RARB: variants seen among roughly 807,000 people sequenced by gnomAD.
RARB encodes HBV-activated protein.
A neutral mutation model predicts 51.9 loss-of-function variants in RARB; 17 were observed. The observed-to-expected ratio is 0.33, with a 90% CI of 0.22 to 0.49. The LOEUF (loss-of-function observed/expected upper bound fraction) is 0.49, where lower values mean the gene tolerates loss of function less well. RARB is among the 20% of genes least tolerant of loss of function. The probability of loss-of-function intolerance (pLI) is 0.99; values close to 1 mark genes in which losing one functional copy is unlikely to be tolerated. For synonymous variants in RARB, 215 were observed against 195.4 expected, an observed-to-expected ratio of 1.10 and a Z score of -0.84; for missense variants, 369 against 550.8, an observed-to-expected ratio of 0.67 and a Z score of 3.30.
At chr3:25,021,257 C>A (rs1697629765) in intron 2 of RARB, among the ~76,000 whole-genome samples, 1 of 152,178 alleles carries the variant, frequency 6.6e-6, no homozygotes, top group Non-Finnish European at 1.5e-5. Context: ...TGTATGTAAG[C>A]ATTGAATCTC....
chr3:25,209,228 G>A (rs926324976), intron 5 of RARB, among the ~76,000 whole-genome samples: 2 of 152,198 alleles, frequency 1.3e-5, no homozygotes, highest in Non-Finnish European at 2.9e-5. Flanking sequence ...AGTCAGGTTA[G>A]TCATGCAGAA....
chr3:25,049,042 G>A (rs1051722603), intron 2 of RARB, among the ~76,000 whole-genome samples: 8 of 152,148 alleles, frequency 5.3e-5, no homozygotes, highest in Non-Finnish European at 1.2e-4. Context: ...GTGAGCCACC[G>A]CGCCCAGCTC....
chr3:25,006,130 C>G (rs4858679), intron 2 of RARB, among the ~76,000 whole-genome samples: 120,367 of 152,062 alleles, frequency 0.79, 47,760 homozygotes, highest in East Asian at 0.87. Context: ...TCAGAAAGAC[C>G]TTTCCTGACC....
chr3:25,435,213 A>G (rs1169829472), intron 1 of RARB, among the ~76,000 whole-genome samples: 3 of 152,206 alleles, frequency 2.0e-5, no homozygotes, highest in Non-Finnish European at 4.4e-5. Flanking sequence ...GTTGTTGTTG[A>G]TAAATTACTA....
At chr3:25,439,243 A>G (rs770596996) in intron 1 of RARB, among the ~76,000 whole-genome samples, 18 of 152,242 alleles carry the variant, frequency 1.2e-4, no homozygotes, top group Non-Finnish European at 2.5e-4. Flanking sequence ...TTCTGATAGT[A>G]AAGTCGAATT....
At chr3:25,417,743 T>A (rs777425017) in intron 5 of RARB, among the ~76,000 whole-genome samples, 12 of 152,234 alleles carry the variant, frequency 7.9e-5, no homozygotes, top group Non-Finnish European at 1.3e-4. Context: ...AATACTATCT[T>A]TCTTCTTCTT....
upstream of RARB, among the ~76,000 whole-genome samples, chr3:25,428,073 C>T (rs148584827): frequency 3.0e-4 from 45 of 152,228 alleles, no homozygotes; most frequent in African/African-American, 1.0e-3. Flanking sequence ...AAGAAAACGC[C>T]GGCTTGTGCG....
chr3:24,980,642 G>T (rs1696640494), intron 2 of RARB, among the ~76,000 whole-genome samples: 1 of 152,086 alleles, frequency 6.6e-6, no homozygotes, highest in East Asian at 1.9e-4. Context: ...TCTCTACATG[G>T]TTATTCTAGT....
chr3:25,559,959 A>T (rs558169371), intron 3 of RARB, among the ~76,000 whole-genome samples: 1 of 151,896 alleles, frequency 6.6e-6, no homozygotes, highest in African/African-American at 2.4e-5. Flanking sequence ...GGATAGACAG[A>T]TGGATGGATG....
chr3:25,188,051 T>TTTATC (rs1701016822), intron 5 of RARB, among the ~76,000 whole-genome samples: 1 of 152,114 alleles, frequency 6.6e-6, no homozygotes, highest in Non-Finnish European at 1.5e-5. Context: ...GATAAACAAG[T>TTTATC]TACCGAATTA....
chr3:25,482,700 C>A (rs571035119), intron 2 of RARB, among the ~76,000 whole-genome samples: 1 of 151,366 alleles, frequency 6.6e-6, no homozygotes, highest in African/African-American at 2.4e-5. Context: ...CCACCATGCC[C>A]GGCTATTTTT....
intron 3 of RARB, among the ~76,000 whole-genome samples, chr3:25,110,187 T>G (rs1559469991): frequency 6.6e-6 from 1 of 152,228 alleles, no homozygotes; most frequent in Non-Finnish European, 1.5e-5. Flanking sequence ...ACTCATAAAT[T>G]GATAGTTGAC....
chr3:24,925,166 G>C (rs1167186146), intron 2 of RARB, among the ~76,000 whole-genome samples: 1 of 151,954 alleles, frequency 6.6e-6, no homozygotes, highest in Non-Finnish European at 1.5e-5. Context: ...ACCCTACTTG[G>C]CATTCTCAAG....
intron 5 of RARB, among the ~76,000 whole-genome samples, chr3:25,325,886 C>T (rs1288077270): frequency 1.3e-5 from 2 of 152,078 alleles, no homozygotes; most frequent in Non-Finnish European, 2.9e-5. Flanking sequence ...TGTTAAATGC[C>T]AGTTTTCTTA....
chr3:25,556,471 T>G (rs1452148900), intron 3 of RARB, among the ~76,000 whole-genome samples: 1 of 152,210 alleles, frequency 6.6e-6, no homozygotes, highest in East Asian at 1.9e-4. Flanking sequence ...TTTCTAGTTA[T>G]AGTCCTCATT....
intron 5 of RARB, among the ~76,000 whole-genome samples, chr3:25,354,173 C>T (rs1296087667): frequency 6.6e-6 from 1 of 152,032 alleles, no homozygotes; most frequent in Non-Finnish European, 1.5e-5. Context: ...TGTAACCCTC[C>T]AAACTGCCTG....
Position 24,921,953 on chromosome 3 carries a change from G to T in RARB, c.-380+63201G>T, listed in dbSNP as rs576763248. Among the ~76,000 whole-genome samples the T allele has an allele frequency of 2.6e-5, 4 of 152,308 alleles. No individual in the cohort carries two copies. In the East Asian group the frequency reaches 7.7e-4, roughly 29 times the overall value. On this transcript the variant is annotated intron_variant, in intron 2 of 11. Coordinates refer to the RARB transcript ENST00000383772. ...GATGCAGGCTTACCTGCCCAACATT[G>T]TTTCATCCCTCACAGATCTCAGCGG...
At chr3:25,430,964 T>TC (rs1253026401) in intron 1 of RARB, among the ~76,000 whole-genome samples, 2 of 151,818 alleles carry the variant, frequency 1.3e-5, no homozygotes, top group Non-Finnish European at 2.9e-5. Flanking sequence ...TTTTTTTTTT[T>TC]TTTTAGCATA....
chr3:25,247,055 A>C (rs759105368), intron 5 of RARB, among the ~76,000 whole-genome samples: 1 of 152,218 alleles, frequency 6.6e-6, no homozygotes, highest in Admixed American at 6.5e-5. Flanking sequence ...GTCTGGCTAC[A>C]GCAGCTTTGT....
Sources: gnomAD v4.1 joint callset for allele counts (sites outside exome capture counted in the v4.1 genomes callset) on GRCh38, gnomAD v4.1.1 for gene constraint, MANE v1.5 for transcripts, NCBI Gene and HGNC (gene_info 2026-07-23, HGNC 2026-07-21) for gene names.